ZNF713: variants seen among roughly 807,000 people sequenced by gnomAD.
The protein encoded by ZNF713 is zinc finger protein 713.
Under a neutral mutation model 28.7 loss-of-function variants are expected in ZNF713, and 21 were observed. That is an observed-to-expected ratio of 0.73 (90% CI 0.52 to 1.05). The LOEUF (loss-of-function observed/expected upper bound fraction) is 1.05. ZNF713 is among the 50% of genes least tolerant of loss of function. The pLI is 0.00. For synonymous variants in ZNF713, 167 were observed against 178.0 expected (o/e 0.94, Z 0.49); for missense variants, 458 against 532.4 (o/e 0.86, Z 1.37).
At chr7:55,915,994 A>G (rs1485638714) in intron 4 of ZNF713, among the ~76,000 whole-genome samples, 1 of 152,212 alleles carries the variant, frequency 6.6e-6, no homozygotes, top group Non-Finnish European at 1.5e-5. Flanking sequence ...GCATAAAACT[A>G]GTCATTGGAG....
rs1786274808 is a variant in ZNF713 at position 55,933,105 on chromosome 7, C to A, written c.308-5877C>A. On this transcript the variant is annotated intron_variant, in intron 6 of 6. Transcript: ENST00000429591. The stretch of plus-strand genomic sequence containing the variant: ...ACAAAAAATTAGCTGGGCGTGGTGG[C>A]AGGCGCCTGTGATCCCAGCTACTTG... 4.0e-5 allele frequency among the ~76,000 whole-genome samples: 6 copies of A among 150,954 alleles called. 1 individual carries two copies. The South Asian group carries it at 1.3e-3, about 32-fold the overall frequency.
intron 2 of ZNF713, among the ~76,000 whole-genome samples, chr7:55,908,922 G>A (rs1367168948): frequency 6.6e-6 from 1 of 151,826 alleles, no homozygotes; most frequent in Non-Finnish European, 1.5e-5. Context: ...AAAGATAGGG[G>A]TCCAGGCCGG....
chr7:55,904,958 C>T (rs1232734078), intron 1 of ZNF713, among the ~76,000 whole-genome samples: 2 of 152,128 alleles, frequency 1.3e-5, no homozygotes, highest in Non-Finnish European at 2.9e-5. Flanking sequence ...AACTCCTGAC[C>T]TCAATGATCC....
At position 55,940,027 on chromosome 7, in the gene ZNF713, A is replaced by G. The variant is rs540566007; in HGVS notation, c.*21A>G. ...CATAACTTATGGTGGGGGAAATCAG[A>G]TAAATATATAAATGTAGGAGATTTT... On this transcript the variant is annotated 3_prime_UTR_variant, in exon 7 of 7. Coordinates refer to ENST00000429591, the MANE Select transcript of ZNF713 (RefSeq NM_182633.3). 15 of 1,526,228 alleles carry G rather than the reference A, an allele frequency of 9.8e-6. 1 individual carries two copies. The South Asian group carries it at 1.6e-4, about 16-fold the overall frequency. The allele number at this position is 1,526,228 out of a possible 1,614,324, so 94.5% of individuals were successfully genotyped here.
chr7:55,923,578 C>T (rs1786037276), intron 5 of ZNF713, 29 bp from the exon 6 acceptor site: 1 of 1,551,108 alleles, frequency 6.4e-7, no homozygotes, highest in South Asian at 1.2e-5. Flanking sequence ...AGTACAAACT[C>T]CTAAGATGTA....
chr7:55,925,763 C>G (rs1033522267), intron 6 of ZNF713, among the ~76,000 whole-genome samples: 1 of 152,178 alleles, frequency 6.6e-6, no homozygotes. Context: ...TGTCAAGAAG[C>G]CTGGGCACCT....
At chr7:55,931,278 C>G (rs549678801) in intron 6 of ZNF713, among the ~76,000 whole-genome samples, 1 of 150,748 alleles carries the variant, frequency 6.6e-6, no homozygotes, top group African/African-American at 2.4e-5. Context: ...AAGAGCAAAA[C>G]TGTCTCAAAA....
At chr7:55,892,093 C>T (rs894621365) in intron 1 of ZNF713, among the ~76,000 whole-genome samples, 1 of 151,712 alleles carries the variant, frequency 6.6e-6, no homozygotes, top group Non-Finnish European at 1.5e-5. Flanking sequence ...TCCTGGCTAA[C>T]ACAGTGAAAC....
rs1255618167 is a variant in ZNF713 at position 55,887,532 on chromosome 7, A to C, written c.-731A>C. 2 of 168,310 alleles carry C rather than the reference A, an allele frequency of 1.2e-5. No individual in the cohort carries two copies. Among genetic ancestry groups the C allele is most frequent in the East Asian group, 3.4e-4 (2 of 5,854 alleles). 10.4% of individuals were successfully genotyped at this position (168,310 alleles called of 1,614,324 possible). A position where few individuals can be genotyped will look rare whatever the true frequency, so the allele number is the denominator to read the frequency against. ...CGCCGGTGGCTGGACCGGCCCCAGG[A>C]GCCCAGTCACCGGGCGTCATTGGCT... On this transcript the variant is annotated 5_prime_UTR_variant, in exon 1 of 7. Transcript: ENST00000429591.
chr7:55,915,169 A>G (rs1228937664), intron 4 of ZNF713, among the ~76,000 whole-genome samples: 2 of 152,252 alleles, frequency 1.3e-5, no homozygotes, highest in African/African-American at 4.8e-5. Context: ...GACTCCCCAA[A>G]GACAGGAATA....
Position 55,940,009 on chromosome 7 carries a change from T to G in ZNF713, c.*3T>G. 1 of 1,552,904 alleles carries G rather than the reference T, an allele frequency of 6.4e-7. No homozygotes were observed. The highest frequency in any genetic ancestry group is 8.7e-7 in the Non-Finnish European group (1 of 1,150,792). ...GTCCTTCATTTAGCAGCACATAACT[T>G]ATGGTGGGGGAAATCAGATAAATAT... On this transcript the variant is annotated 3_prime_UTR_variant, in exon 7 of 7. Coordinates refer to ENST00000429591, the MANE Select transcript of ZNF713 (RefSeq NM_182633.3).
chr7:55,931,154 C>T (rs1256138512), intron 6 of ZNF713, among the ~76,000 whole-genome samples: 2 of 151,834 alleles, frequency 1.3e-5, no homozygotes, highest in Non-Finnish European at 2.9e-5. Flanking sequence ...GGCATGGTGG[C>T]GGGCGCCTGT....
Position 55,923,219 on chromosome 7 carries a change from C to G in ZNF713, c.145C>G (p.Leu49Val). ...VDFTREEWDQLYPAQKNLYRD... is the reference protein window; with the variant it reads ...VDFTREEWDQVYPAQKNLYRD... The stretch of plus-strand genomic sequence containing the variant: ...CTTCACCAGAGAGGAGTGGGACCAG[C>G]TGTACCCTGCCCAAAAGAACCTCTA... The change falls in exon 5 of 7, where the codon CTG (leucine) becomes GTG (valine). Residue 49 changes from leucine (L) to valine (V), a missense_variant. Leu to Val is a conservative substitution (Grantham distance 32). Transcript: ENST00000429591. 1 of 1,613,866 alleles carries G rather than the reference C, an allele frequency of 6.2e-7. No individual in the cohort carries two copies. The highest frequency in any genetic ancestry group is 8.5e-7 in the Non-Finnish European group (1 of 1,179,948).
rs544997354 is a variant in ZNF713 at position 55,925,380 on chromosome 7, T to C, written c.307+1681T>C. ...GCTTACGCCTGTAATCTCAACACTT[T>C]GGGAGGCCGAGGCGGGCAGATCACG... On this transcript the variant is annotated intron_variant, in intron 6 of 6. Transcript: ENST00000429591. 1.4e-4 allele frequency among the ~76,000 whole-genome samples: 22 copies of C among 152,236 alleles called. No homozygotes were observed. The South Asian group carries it at 3.7e-3, about 26-fold the overall frequency.
chr7:55,906,926 A>G (rs952387372), intron 2 of ZNF713, among the ~76,000 whole-genome samples: 4 of 152,294 alleles, frequency 2.6e-5, no homozygotes, highest in Non-Finnish European at 2.9e-5. Flanking sequence ...GACCTACTTT[A>G]GGTTTGTCCC....
At chr7:55,918,719 C>G (rs569601888) in intron 4 of ZNF713, among the ~76,000 whole-genome samples, 40 of 152,250 alleles carry the variant, frequency 2.6e-4, no homozygotes, top group South Asian at 1.9e-3. Context: ...AAAATAGAGG[C>G]CAGGCATGGT....
At chr7:55,936,509 T>G (rs1161493810) in intron 6 of ZNF713, among the ~76,000 whole-genome samples, 1 of 152,152 alleles carries the variant, frequency 6.6e-6, no homozygotes, top group Non-Finnish European at 1.5e-5. Context: ...ATTATCTGGT[T>G]ACCCAACTTC....
chr7:55,925,242 T>C (rs752889883), intron 6 of ZNF713, among the ~76,000 whole-genome samples: 7 of 152,204 alleles, frequency 4.6e-5, no homozygotes, highest in Non-Finnish European at 8.8e-5. Context: ...CTTGGTTTTC[T>C]GTCATTCAAA....
intron 1 of ZNF713, among the ~76,000 whole-genome samples, chr7:55,890,658 C>T (rs2116155576): frequency 6.6e-6 from 1 of 152,084 alleles, no homozygotes; most frequent in African/African-American, 2.4e-5. Context: ...AAATGTATCC[C>T]TTAAGAGAAT....
Sources: allele counts gnomAD v4.1 joint callset (sites outside exome capture counted in the v4.1 genomes callset), GRCh38; gene constraint gnomAD v4.1.1; transcripts MANE v1.5; gene names NCBI Gene and HGNC (gene_info 2026-07-23, HGNC 2026-07-21).